Variants in PRR16 observed in about 807,000 individuals in gnomAD.
The protein encoded by PRR16 is protein Largen.
In PRR16, 6 loss-of-function variants were observed where a neutral mutation model predicts 18.2. The ratio of observed to expected loss-of-function variants is 0.33; its 90% CI spans 0.18 to 0.65. The LOEUF is 0.65. PRR16 is among the 30% of genes least tolerant of loss of function. The pLI is 0.74. For missense variants in PRR16, 412 were observed against 376.6 expected (o/e 1.09, Z -0.78); for synonymous variants, 151 against 147.8 (o/e 1.02, Z -0.16).
intron 1 of PRR16, among the ~76,000 whole-genome samples, chr5:120,663,652 G>T (rs1756255497): frequency 6.6e-6 from 1 of 152,140 alleles, no homozygotes; most frequent in African/African-American, 2.4e-5. Flanking sequence ...AATGAGCTTA[G>T]AAACAACTTT....
At chr5:120,648,136 G>A (rs557956930) in intron 1 of PRR16, among the ~76,000 whole-genome samples, 27 of 152,136 alleles carry the variant, frequency 1.8e-4, no homozygotes, top group African/African-American at 5.3e-4. Flanking sequence ...TAAATATACA[G>A]TTTAGAAAAG....
intron 1 of PRR16, among the ~76,000 whole-genome samples, chr5:120,538,708 G>GA (rs1213012918): frequency 2.0e-5 from 3 of 152,238 alleles, no homozygotes; most frequent in South Asian, 2.1e-4. Flanking sequence ...TGCAGTTGCA[G>GA]AAAAAAAGAA....
chr5:120,503,885 C>T (rs943844917), intron 1 of PRR16, among the ~76,000 whole-genome samples: 38 of 151,482 alleles, frequency 2.5e-4, no homozygotes, highest in South Asian at 2.1e-4. Context: ...TGAGAACATG[C>T]AGTGTTTGGT....
intron 1 of PRR16, among the ~76,000 whole-genome samples, chr5:120,505,993 C>T (rs1198885459): frequency 6.8e-6 from 1 of 147,402 alleles, no homozygotes; most frequent in African/African-American, 2.5e-5. Flanking sequence ...ACATAGAGTG[C>T]ATCTAGTTTC....
At chr5:120,610,750 G>C (rs1362697374) in intron 1 of PRR16, among the ~76,000 whole-genome samples, 1 of 152,014 alleles carries the variant, frequency 6.6e-6, no homozygotes, top group Non-Finnish European at 1.5e-5. Context: ...TCCCAGTGTT[G>C]GCTATGTCTT....
At chr5:120,651,429 C>T (rs1755785618) in intron 1 of PRR16, among the ~76,000 whole-genome samples, 1 of 152,060 alleles carries the variant, frequency 6.6e-6, no homozygotes. Context: ...ATGGTATTGC[C>T]TAGGTTTTCT....
intron 1 of PRR16, among the ~76,000 whole-genome samples, chr5:120,554,964 T>C (rs1223941993): frequency 6.6e-6 from 1 of 151,936 alleles, no homozygotes; most frequent in East Asian, 1.9e-4. Flanking sequence ...GGGAGCATGG[T>C]ACTAGCATTG....
intron 1 of PRR16, among the ~76,000 whole-genome samples, chr5:120,516,519 A>G (rs547207519): frequency 1.3e-5 from 2 of 151,632 alleles, no homozygotes; most frequent in African/African-American, 4.8e-5. Context: ...ACACACGCAT[A>G]TACATTAACA....
At chr5:120,659,188 G>T (rs1229116179) in intron 1 of PRR16, among the ~76,000 whole-genome samples, 3 of 151,918 alleles carry the variant, frequency 2.0e-5, no homozygotes, top group African/African-American at 7.2e-5. Flanking sequence ...TTTGATTCCA[G>T]GACCTAGTAG....
the PRR16 span, among the ~76,000 whole-genome samples, chr5:120,773,676 C>T: frequency 2.0e-5 from 3 of 151,920 alleles, no homozygotes; most frequent in Non-Finnish European, 4.4e-5. Flanking sequence ...CTCTGCCAGA[C>T]TATCAGAATC....
At chr5:120,647,766 T>G (rs1474645182) in intron 1 of PRR16, among the ~76,000 whole-genome samples, 1 of 152,094 alleles carries the variant, frequency 6.6e-6, no homozygotes, top group Non-Finnish European at 1.5e-5. Context: ...TGCATAAGTA[T>G]CCACATGTCA....
intron 1 of PRR16, among the ~76,000 whole-genome samples, chr5:120,608,087 C>A (rs190110828): frequency 2.4e-4 from 37 of 152,128 alleles, no homozygotes; most frequent in African/African-American, 8.0e-4. Context: ...CTTAAGGTCA[C>A]AGGAAGAGGG....
chr5:120,493,534 C>G (rs1273336789), intron 1 of PRR16, among the ~76,000 whole-genome samples: 1 of 152,132 alleles, frequency 6.6e-6, no homozygotes, highest in South Asian at 2.1e-4. Context: ...TCCCATTTCT[C>G]TTTACCCAAT....
At chr5:120,583,049 A>T (rs950148311) in intron 1 of PRR16, among the ~76,000 whole-genome samples, 1 of 152,242 alleles carries the variant, frequency 6.6e-6, no homozygotes, top group Non-Finnish European at 1.5e-5. Flanking sequence ...TGGAAGGCCC[A>T]TGTGGGGCAT....
Position 120,673,919 on chromosome 5 carries a change from C to T in PRR16, c.160-12035C>T, listed in dbSNP as rs191229231. 6.3e-4 allele frequency among the ~76,000 whole-genome samples: 95 copies of T among 150,710 alleles called. No individual in the cohort carries two copies. The East Asian group carries it at 0.016, about 26-fold the overall frequency. On this transcript the variant is annotated intron_variant, in intron 1 of 1. Coordinates refer to ENST00000407149, the MANE Select transcript of PRR16 (RefSeq NM_001300783.2). ...ACAGTGAGCCGAGATTGCACCACTG[C>T]ACTCCAGCCTGGCGACAGAGTGAGA... is the stretch of plus-strand genomic sequence containing the variant.
intron 1 of PRR16, among the ~76,000 whole-genome samples, chr5:120,626,177 C>A (rs1198709882): frequency 1.3e-5 from 2 of 152,046 alleles, no homozygotes; most frequent in Non-Finnish European, 2.9e-5. Flanking sequence ...TCCATAAATA[C>A]ATTATAATAT....
At chr5:120,691,486 T>C (rs1757208650), downstream of PRR16, among the ~76,000 whole-genome samples, 2 of 152,134 alleles carry the variant, frequency 1.3e-5, no homozygotes, top group African/African-American at 4.8e-5. Context: ...TCAAAGACTA[T>C]TATTTTGGAT....
intron 1 of PRR16, among the ~76,000 whole-genome samples, chr5:120,554,690 C>G (rs111754476): frequency 6.6e-6 from 1 of 151,836 alleles, no homozygotes; most frequent in Non-Finnish European, 1.5e-5. Flanking sequence ...GTAAGTCTCA[C>G]AACAGCCTAG....
the PRR16 span, among the ~76,000 whole-genome samples, chr5:120,794,025 G>A: frequency 6.6e-6 from 1 of 152,252 alleles, no homozygotes; most frequent in East Asian, 1.9e-4. Context: ...ATGTGGTTAT[G>A]TGCTGAATGT....
Sources: gnomAD v4.1 joint callset for allele counts (sites outside exome capture counted in the v4.1 genomes callset) on GRCh38, gnomAD v4.1.1 for gene constraint, MANE v1.5 for transcripts, NCBI Gene and HGNC (gene_info 2026-07-23, HGNC 2026-07-21) for gene names.